The following CDK15 variants were observed in gnomAD, a reference collection of about 807,000 sequenced individuals.
CDK15 encodes cyclin-dependent kinase 15.
In CDK15, 62 loss-of-function variants were observed where a neutral mutation model predicts 60.3. The ratio of observed to expected loss-of-function variants is 1.03; its 90% CI spans 0.84 to 1.27. The LOEUF is 1.27. CDK15 is among the 50% of genes most tolerant of loss of function. CDK15 has a pLI of 0.00. For synonymous variants in CDK15, 194 were observed against 195.7 expected (o/e 0.99, Z 0.07); for missense variants, 541 against 527.8 (o/e 1.03, Z -0.25).
intron 6 of CDK15, among the ~76,000 whole-genome samples, chr2:201,825,656 A>G (rs1379490780): frequency 6.6e-6 from 1 of 152,110 alleles, no homozygotes; most frequent in Non-Finnish European, 1.5e-5. Flanking sequence ...CTTTTTTTTT[A>G]TGGTAATGCT....
At chr2:201,810,749 TTAGAG>T (rs1353303938) in intron 3 of CDK15, among the ~76,000 whole-genome samples, 5 of 152,032 alleles carry the variant, frequency 3.3e-5, no homozygotes, top group Non-Finnish European at 2.9e-5. Flanking sequence ...AAGAGTAACT[TTAGAG>T]TAGAGAAACC....
rs2105851808 is a variant in CDK15, at chr2:201,894,072, ACCAC to A, written c.*806_*809del. On this transcript the variant is annotated 3_prime_UTR_variant, in exon 14 of 14. Coordinates refer to ENST00000652192, the MANE Select transcript of CDK15 (RefSeq NM_001366386.2). Reference sequence around the variant, plus strand: ...GATGTAATTTAAGCCCTGTTGCACCACCACACACACACACACACACACACACACA... The same window carrying A: ...GATGTAATTTAAGCCCTGTTGCACCAACACACACACACACACACACACACA... 1 of 72,326 alleles carries A rather than the reference ACCAC, an allele frequency of 1.4e-5. No homozygotes were observed. Among genetic ancestry groups the A allele is most frequent in the African/African-American group, 7.4e-5 (1 of 13,466 alleles). 4.5% of individuals were successfully genotyped at this position (72,326 alleles called of 1,614,324 possible). A position where few individuals can be genotyped will look rare whatever the true frequency, so the allele number is the denominator to read the frequency against.
chr2:201,824,888 G>T, intron 6 of CDK15: 1 of 544,994 alleles, frequency 1.8e-6, no homozygotes, highest in South Asian at 4.8e-5. Context: ...GATGTAAGCA[G>T]TCTTCATTTT....
chr2:201,811,438 C>A (rs989700349), intron 3 of CDK15, among the ~76,000 whole-genome samples: 5 of 152,250 alleles, frequency 3.3e-5, no homozygotes, highest in Non-Finnish European at 5.9e-5. Flanking sequence ...GCGTGAGCCA[C>A]TGTGCCCGGC....
chr2:201,853,887 C>T (rs896112959), intron 9 of CDK15, among the ~76,000 whole-genome samples: 3 of 152,128 alleles, frequency 2.0e-5, no homozygotes, highest in African/African-American at 4.8e-5. Context: ...CAAGGCCAGG[C>T]GCGGTTGCTC....
At chr2:201,828,879 C>A (rs1448081796) in intron 6 of CDK15, among the ~76,000 whole-genome samples, 2 of 152,110 alleles carry the variant, frequency 1.3e-5, no homozygotes, top group Non-Finnish European at 2.9e-5. Flanking sequence ...ACCTTCAACC[C>A]CTCTCCCCTC....
chr2:201,824,986 A>G (rs566855498), intron 6 of CDK15, among the ~76,000 whole-genome samples: 56 of 152,334 alleles, frequency 3.7e-4, no homozygotes, highest in African/African-American at 1.3e-3. Context: ...ATCTTAAGAT[A>G]CTGTAAATGA....
intron 11 of CDK15, among the ~76,000 whole-genome samples, chr2:201,873,793 C>T (rs1698954720): frequency 6.6e-6 from 1 of 152,194 alleles, no homozygotes; most frequent in Non-Finnish European, 1.5e-5. Flanking sequence ...TGGCTTACGC[C>T]TGTAATCCCA....
intron 13 of CDK15, among the ~76,000 whole-genome samples, chr2:201,892,394 A>ATTG (rs1196462359): frequency 6.6e-6 from 1 of 152,092 alleles, no homozygotes; most frequent in African/African-American, 2.4e-5. Context: ...TATTATTTCT[A>ATTG]TTGTTGTTAT....
At position 201,847,413 on chromosome 2, in the gene CDK15, A is replaced by G. The variant is rs1429753554; in HGVS notation, c.884A>G (p.Gln295Arg). The G allele has an allele frequency of 6.2e-7, 1 of 1,613,976 alleles. No homozygotes were observed. Among genetic ancestry groups the G allele is most frequent in the East Asian group, 2.2e-5 (1 of 44,882 alleles). The change falls in exon 9 of 14, where the codon CAG (glutamine) becomes CGG (arginine). Residue 295 changes from glutamine to arginine, a missense_variant. Physicochemically the swap from Gln to Arg is conservative, Grantham distance 43 (BLOSUM62 1). Coordinates refer to ENST00000652192, the MANE Select transcript of CDK15 (RefSeq NM_001366386.2). ...GGCTGCATCTTTATTGAAATGTTCC[A>G]GGGTCAACCTTTGTTTCCTGGGGTT... ...GAGCIFIEMF[Q>R]GQPLFPGVSN...
intron 8 of CDK15, among the ~76,000 whole-genome samples, chr2:201,843,505 G>A (rs1262657061): frequency 6.6e-6 from 1 of 152,174 alleles, no homozygotes; most frequent in Middle Eastern, 3.4e-3. Context: ...CTTACAGTGT[G>A]GGCTTGTTTT....
chr2:201,821,171 G>T (rs1232955799), intron 4 of CDK15, among the ~76,000 whole-genome samples: 1 of 152,088 alleles, frequency 6.6e-6, no homozygotes, highest in East Asian at 1.9e-4. Context: ...CAATAGAAAA[G>T]AAAGCACTTC....
Position 201,833,835 on chromosome 2 carries a change from T to C in CDK15, c.607-13T>C. ...GCTCAAATCTCCTTATGGATAGTGT[T>C]TCTTCCTTCCAGCTTTTCATGTTTC... is the stretch of plus-strand genomic sequence containing the variant. On this transcript the variant is annotated splice_polypyrimidine_tract_variant and intron_variant, in intron 6 of 13. Transcript: ENST00000652192. The C allele has an allele frequency of 6.2e-7, 1 of 1,613,314 alleles. No homozygotes were observed. Among genetic ancestry groups the C allele is most frequent in the Non-Finnish European group, 8.5e-7 (1 of 1,179,638 alleles).
chr2:201,867,553 A>G (rs1698680935), intron 10 of CDK15, among the ~76,000 whole-genome samples: 1 of 150,972 alleles, frequency 6.6e-6, no homozygotes, highest in Non-Finnish European at 1.5e-5. Context: ...TGAGACCGGG[A>G]GGTCAAGGAT....
intron 10 of CDK15, among the ~76,000 whole-genome samples, chr2:201,856,618 A>C (rs1574908785): frequency 6.6e-6 from 1 of 152,142 alleles, no homozygotes; most frequent in Non-Finnish European, 1.5e-5. Flanking sequence ...TTCCAGGAGA[A>C]CGTGGCTCTC....
At chr2:201,867,071 G>A (rs1417787052) in intron 10 of CDK15, among the ~76,000 whole-genome samples, 1 of 152,164 alleles carries the variant, frequency 6.6e-6, no homozygotes, top group African/African-American at 2.4e-5. Flanking sequence ...TACGAGAACT[G>A]AATTTTCCCT....
intron 4 of CDK15, among the ~76,000 whole-genome samples, chr2:201,818,210 A>G (rs948517480): frequency 1.3e-5 from 2 of 152,306 alleles, no homozygotes; most frequent in East Asian, 3.9e-4. Context: ...CATGCCCTCA[A>G]TGAGTTTACA....
chr2:201,894,758 A>G lies in CDK15; in HGVS notation c.*1491A>G, dbSNP rs1439957511. ...TGCAAACCTCAGACCTGGTTCTCCAATGTTCCTGACACCTATCGAATTTAG... is the reference window on the plus strand; with the variant it reads ...TGCAAACCTCAGACCTGGTTCTCCAGTGTTCCTGACACCTATCGAATTTAG... On this transcript the variant is annotated 3_prime_UTR_variant, in exon 14 of 14. Coordinates refer to ENST00000652192, the MANE Select transcript of CDK15 (RefSeq NM_001366386.2). 6.6e-6 allele frequency: 1 copy of G among 152,182 alleles called. No homozygotes were observed. The highest frequency in any genetic ancestry group is 2.4e-5 in the African/African-American group (1 of 41,444). The allele number at this position is 152,182 out of a possible 1,614,324, so 9.4% of individuals were successfully genotyped here.
At position 201,854,924 on chromosome 2, in the gene CDK15, T is replaced by G; in HGVS notation, c.996T>G (p.Pro332=). 1.9e-6 allele frequency: 3 copies of G among 1,614,024 alleles called. No individual in the cohort carries two copies. The highest frequency in any genetic ancestry group is 2.5e-6 in the Non-Finnish European group (3 of 1,179,866). The change falls in exon 10 of 14, where the codon CCT becomes CCG. Residue 332 remains proline (P), a synonymous_variant. Transcript: ENST00000652192. ...CTTGGCCGGGAGTCTCCAAGCTACC[T>G]AACTACAATCCAGGTAATATTGATC... is the stretch of plus-strand genomic sequence containing the variant. ...EDTWPGVSKL[P]NYNPEWFPLP...
Sources: allele counts gnomAD v4.1 joint callset (sites outside exome capture counted in the v4.1 genomes callset), GRCh38; gene constraint gnomAD v4.1.1; transcripts MANE v1.5; gene names NCBI Gene and HGNC (gene_info 2026-07-23, HGNC 2026-07-21).